GTF2F2: variants seen among roughly 807,000 people sequenced by gnomAD.
The protein encoded by GTF2F2 is general transcription factor IIF subunit 2.
Under a neutral mutation model 42.2 loss-of-function variants are expected in GTF2F2, and 23 were observed. That is an observed-to-expected ratio of 0.55 (90% CI 0.39 to 0.77). The LOEUF (loss-of-function observed/expected upper bound fraction) is 0.77. Among genes scored for constraint, GTF2F2 ranks in the 30% least tolerant of loss-of-function variants. GTF2F2 has a pLI of 0.00. For synonymous variants in GTF2F2, 105 were observed against 100.8 expected (o/e 1.04, Z -0.25); for missense variants, 261 against 287.2 (o/e 0.91, Z 0.66).
At chr13:45,254,297 G>C (rs1247946386) in intron 6 of GTF2F2, among the ~76,000 whole-genome samples, 1 of 152,112 alleles carries the variant, frequency 6.6e-6, no homozygotes, top group Non-Finnish European at 1.5e-5. Context: ...TATAGAGTTT[G>C]GTACTATCCA....
At chr13:45,126,862 T>C (rs1394721753) in intron 1 of GTF2F2, among the ~76,000 whole-genome samples, 2 of 152,354 alleles carry the variant, frequency 1.3e-5, no homozygotes, top group East Asian at 3.9e-4. Flanking sequence ...GAAATAATGC[T>C]GTAGTGAGTT....
At chr13:45,192,486 T>A (rs545528882) in intron 4 of GTF2F2, among the ~76,000 whole-genome samples, 2 of 152,264 alleles carry the variant, frequency 1.3e-5, no homozygotes, top group East Asian at 3.9e-4. Flanking sequence ...TTCAGACATC[T>A]TCTTGAGATT....
intron 2 of GTF2F2, among the ~76,000 whole-genome samples, chr13:45,143,880 A>G (rs556453723): frequency 1.4e-4 from 22 of 152,286 alleles, no homozygotes; most frequent in African/African-American, 4.3e-4. Context: ...AGCAATTTAT[A>G]TGATATTTCT....
In GTF2F2 at chr13:45,120,655, C is replaced by T. The variant is rs1214664062; in HGVS notation, c.-1C>T. ...CGCACGCCTCCACCGGCTGCAGACC[C>T]ATGGCCGAGCGCGGGGAACTCGACT... is the stretch of plus-strand genomic sequence containing the variant. On this transcript the variant is annotated 5_prime_UTR_variant, in exon 1 of 8. Coordinates refer to ENST00000340473, the MANE Select transcript of GTF2F2 (RefSeq NM_004128.3). 1.3e-6 allele frequency: 2 copies of T among 1,557,178 alleles called. No individual in the cohort carries two copies. Among genetic ancestry groups the T allele is most frequent in the East Asian group, 2.4e-5 (1 of 41,814 alleles).
chr13:45,228,726 A>G (rs139112081), intron 5 of GTF2F2, among the ~76,000 whole-genome samples: 3 of 136,484 alleles, frequency 2.2e-5, no homozygotes, highest in Non-Finnish European at 4.5e-5. Context: ...GCTGGAGTGC[A>G]ACGGCATGAT....
intron 4 of GTF2F2, among the ~76,000 whole-genome samples, chr13:45,198,759 TGA>T (rs1353735018): frequency 6.6e-6 from 1 of 152,044 alleles, no homozygotes; most frequent in Non-Finnish European, 1.5e-5. Flanking sequence ...TTTCACAAGC[TGA>T]GTTTCTTTTT....
chr13:45,122,883 C>A (rs1001267374), intron 1 of GTF2F2, among the ~76,000 whole-genome samples: 1 of 151,970 alleles, frequency 6.6e-6, no homozygotes, highest in Non-Finnish European at 1.5e-5. Context: ...AGGTATAGAA[C>A]TGTGTAAATA....
At chr13:45,279,143 C>T (rs1877155977) in intron 7 of GTF2F2, among the ~76,000 whole-genome samples, 1 of 152,162 alleles carries the variant, frequency 6.6e-6, no homozygotes, top group South Asian at 2.1e-4. Flanking sequence ...TTTTCTTTGC[C>T]CCCATCCTCT....
At chr13:45,204,261 T>C (rs968621435) in intron 4 of GTF2F2, among the ~76,000 whole-genome samples, 1 of 152,230 alleles carries the variant, frequency 6.6e-6, no homozygotes, top group Admixed American at 6.5e-5. Flanking sequence ...TCTATACTTT[T>C]TAACTAATAC....
At position 45,252,877 on chromosome 13, in the gene GTF2F2, A is replaced by G. The variant is rs779871844; in HGVS notation, c.393A>G (p.Gln131=). Residue 131 remains glutamine (Q), a synonymous_variant, in exon 6 of 8, where the codon CAA becomes CAG. Transcript: ENST00000340473. ...GCCTTATATTTTTTTTCAGATTGCA[A>G]ATAGAAGAGTCTTCCAAACCAGTGA... ...SENYMRLKRL[Q]IEESSKPVRL... The G allele has an allele frequency of 4.1e-6, 6 of 1,450,414 alleles. No homozygotes were observed. The highest frequency in any genetic ancestry group is 1.4e-5 in the South Asian group (1 of 73,080). The allele number at this position is 1,450,414 out of a possible 1,614,324, so 89.8% of individuals were successfully genotyped here. A position where few individuals can be genotyped will look rare whatever the true frequency, so the allele number is the denominator to read the frequency against.
chr13:45,137,829 A>C (rs1869708047), intron 2 of GTF2F2, among the ~76,000 whole-genome samples: 1 of 137,362 alleles, frequency 7.3e-6, no homozygotes, highest in Admixed American at 6.9e-5. Context: ...TGCAAAAAAA[A>C]CTTGTGTTCC....
intron 1 of GTF2F2, among the ~76,000 whole-genome samples, chr13:45,125,344 G>A (rs768759511): frequency 7.3e-5 from 11 of 151,214 alleles, no homozygotes; most frequent in Non-Finnish European, 1.5e-4. Context: ...TTTTTGAGAC[G>A]GAGTGTCGCT....
chr13:45,259,061 A>G (rs1260264502), intron 6 of GTF2F2, among the ~76,000 whole-genome samples: 1 of 152,164 alleles, frequency 6.6e-6, no homozygotes, highest in Non-Finnish European at 1.5e-5. Context: ...CTCATAAGGA[A>G]TCATGTCCTC....
At chr13:45,216,263 G>A (rs1048135602) in intron 5 of GTF2F2, among the ~76,000 whole-genome samples, 1 of 151,970 alleles carries the variant, frequency 6.6e-6, no homozygotes, top group Non-Finnish European at 1.5e-5. Flanking sequence ...AAAACTCAAA[G>A]GTTATACATA....
intron 1 of GTF2F2, chr13:45,124,110 T>A (rs1244801244): frequency 2.7e-6 from 2 of 748,504 alleles, no homozygotes; most frequent in East Asian, 5.3e-5. Context: ...AAGTGGTCGT[T>A]GAGGGCAATG....
chr13:45,221,723 C>T (rs1429954289), intron 5 of GTF2F2, among the ~76,000 whole-genome samples: 1 of 128,052 alleles, frequency 7.8e-6, no homozygotes, highest in Admixed American at 7.7e-5. Context: ...CACTTCCCTG[C>T]TTATTGCAGT....
At chr13:45,180,449 T>C (rs555267830) in intron 4 of GTF2F2, among the ~76,000 whole-genome samples, 91 of 152,298 alleles carry the variant, frequency 6.0e-4, no homozygotes, top group Middle Eastern at 3.4e-3. Context: ...TATGTGTGTG[T>C]ATGTATGTGT....
rs140975232 is a variant in GTF2F2 at position 45,129,341 on chromosome 13, C to T, written c.67-7392C>T. ...CCTCCCACCTCAGCCTCTCGAGTAG[C>T]TGGGACTACAGGCACACACCACCAT... is the stretch of plus-strand genomic sequence containing the variant. On this transcript the variant is annotated intron_variant, in intron 1 of 7. Transcript: ENST00000340473. Among the ~76,000 whole-genome samples the T allele has an allele frequency of 6.2e-3, 937 of 152,294 alleles. 8 individuals carry two copies. Among genetic ancestry groups the T allele is most frequent in the Non-Finnish European group, 7.3e-3 (495 of 68,026 alleles).
At chr13:45,228,742 C>G (rs903602650) in intron 5 of GTF2F2, among the ~76,000 whole-genome samples, 6 of 140,974 alleles carry the variant, frequency 4.3e-5, no homozygotes, top group Non-Finnish European at 7.5e-5. Flanking sequence ...ATGATCTCGT[C>G]TCACCGCAAC....
Sources: gnomAD v4.1 joint callset for allele counts (sites outside exome capture counted in the v4.1 genomes callset) on GRCh38, gnomAD v4.1.1 for gene constraint, MANE v1.5 for transcripts, NCBI Gene and HGNC (gene_info 2026-07-23, HGNC 2026-07-21) for gene names.